The following PRKCB variants were observed in gnomAD, a reference collection of about 807,000 sequenced individuals.
PRKCB encodes the protein protein kinase C beta, also known as protein kinase C beta type.
PRKCB carries 13 observed loss-of-function variants against 81.5 expected under a neutral mutation model. The observed-to-expected ratio is 0.16, with a 90% CI of 0.10 to 0.25. The LOEUF (loss-of-function observed/expected upper bound fraction) is 0.25. PRKCB is among the 10% of genes least tolerant of loss of function. The pLI is 1.00. For synonymous variants in PRKCB, 335 were observed against 321.4 expected, an observed-to-expected ratio of 1.04 and a Z score of -0.45; for missense variants, 509 against 875.7, an observed-to-expected ratio of 0.58 and a Z score of 5.29.
intron 2 of PRKCB, among the ~76,000 whole-genome samples, chr16:23,890,299 G>A (rs888221643): frequency 2.6e-5 from 4 of 152,220 alleles, no homozygotes; most frequent in Non-Finnish European, 5.9e-5. Flanking sequence ...TTAGTCAATT[G>A]TAAGAAGCTG....
intron 5 of PRKCB, among the ~76,000 whole-genome samples, chr16:24,047,131 G>A (rs185420198): frequency 3.3e-5 from 5 of 152,038 alleles, no homozygotes; most frequent in Admixed American, 1.3e-4. Flanking sequence ...AAGGTCAGGC[G>A]TTCGAGACCA....
intron 3 of PRKCB, among the ~76,000 whole-genome samples, chr16:24,010,068 A>ATG (rs146414083): frequency 2.0e-5 from 3 of 151,476 alleles, no homozygotes; most frequent in South Asian, 2.1e-4. Flanking sequence ...TTTCTTTCAT[A>ATG]TGTGTGTGTG....
At chr16:24,000,941 C>A (rs957976930) in intron 3 of PRKCB, among the ~76,000 whole-genome samples, 2 of 152,020 alleles carry the variant, frequency 1.3e-5, no homozygotes, top group East Asian at 3.9e-4. Context: ...GTTCTGTGAC[C>A]CTCAGTTTAT....
At chr16:23,908,049 G>C (rs1013186773) in intron 2 of PRKCB, among the ~76,000 whole-genome samples, 6 of 152,194 alleles carry the variant, frequency 3.9e-5, no homozygotes, top group Non-Finnish European at 8.8e-5. Flanking sequence ...AGCAGGTGGG[G>C]AGAGAAAGTC....
intron 9 of PRKCB, among the ~76,000 whole-genome samples, chr16:24,130,920 C>T (rs1179817983): frequency 6.6e-6 from 1 of 152,214 alleles, no homozygotes; most frequent in Non-Finnish European, 1.5e-5. Flanking sequence ...CCCTACTTTT[C>T]AGTCCTGGCT....
chr16:24,187,699 AT>A (rs1567406414), intron 15 of PRKCB, among the ~76,000 whole-genome samples: 2,535 of 82,382 alleles, frequency 0.031, 63 homozygotes, highest in African/African-American at 0.11. Context: ...GTTTTGTTTT[AT>A]CAATGTCTCG....
rs71154259 is a variant in PRKCB, at chr16:23,915,689, C to CAAAAAAAAAA, written c.206-72805_206-72796dup. Among the ~76,000 whole-genome samples the CAAAAAAAAAA allele has an allele frequency of 2.0e-3, 107 of 54,510 alleles. 6 individuals are homozygous for CAAAAAAAAAA. The highest frequency in any genetic ancestry group is 5.1e-3 in the South Asian group (4 of 780). The allele number at this position is 54,510 out of a possible 152,430, so 35.8% of individuals were successfully genotyped here. On this transcript the variant is annotated intron_variant, in intron 2 of 16. Transcript: ENST00000643927. Reference sequence around the variant, plus strand: ...CCTGGGCAAGAGTGAGACTCTCTATCAAAAAAAAAAAAAAAAAAAAAAAGC... The same window carrying CAAAAAAAAAA: ...CCTGGGCAAGAGTGAGACTCTCTATCAAAAAAAAAAAAAAAAAAAAAAAAAAAAAAAAAGC...
rs569413954 is a variant in PRKCB at position 24,007,700 on chromosome 16, C to T, written c.288+19110C>T. Among the ~76,000 whole-genome samples, 43 of 152,324 alleles carry T rather than the reference C, an allele frequency of 2.8e-4. 2 individuals carry two copies. In the East Asian group the frequency reaches 5.4e-3, roughly 19 times the overall value. On this transcript the variant is annotated intron_variant, in intron 3 of 16. Transcript: ENST00000643927. ...TGCTGGGACTTGAATGAAGCTGATG[C>T]GTCCCATCTATAAATTATTGTGGCT...
intron 2 of PRKCB, among the ~76,000 whole-genome samples, chr16:23,946,606 GAGAAAT>G (rs1174034913): frequency 0.018 from 2,675 of 152,300 alleles, 81 homozygotes; most frequent in African/African-American, 0.059. Flanking sequence ...AATAGATCCA[GAGAAAT>G]GCTGATTCTT....
At chr16:24,093,917 A>G (rs1966407509) in intron 6 of PRKCB, among the ~76,000 whole-genome samples, 1 of 152,242 alleles carries the variant, frequency 6.6e-6, no homozygotes, top group African/African-American at 2.4e-5. Context: ...ATAAGATAAC[A>G]AAAGTAGTTA....
Position 24,220,334 on chromosome 16 carries a change from A to AT in PRKCB, c.*5522dup. 2.2e-6 allele frequency: 1 copy of AT among 452,878 alleles called. No individual in the cohort carries two copies. Among genetic ancestry groups the AT allele is most frequent in the African/African-American group, 2.0e-5 (1 of 49,836 alleles). The allele number at this position is 452,878 out of a possible 1,614,324, so 28.1% of individuals were successfully genotyped here. Reference sequence around the variant, plus strand: ...CGCATTATCCAATTATAGAGGTACAATTTTCCAAACTTCCAGAAACTCATC... The same window carrying AT: ...CGCATTATCCAATTATAGAGGTACAATTTTTCCAAACTTCCAGAAACTCATC... On this transcript the variant is annotated 3_prime_UTR_variant, in exon 17 of 17. Coordinates refer to ENST00000643927, the MANE Select transcript of PRKCB (RefSeq NM_002738.7).
chr16:24,210,119 A>G (rs2141992767), intron 16 of PRKCB, among the ~76,000 whole-genome samples: 1 of 152,272 alleles, frequency 6.6e-6, no homozygotes, highest in East Asian at 1.9e-4. Flanking sequence ...TGTCTCTAAA[A>G]CAATGAAATA....
rs1555488847 is a variant in PRKCB at position 23,987,401 on chromosome 16, T to TTG, written c.206-1107_206-1106insTG. Among the ~76,000 whole-genome samples, 398 of 127,086 alleles carry TTG rather than the reference T, an allele frequency of 3.1e-3. 1 individual carries two copies. Among genetic ancestry groups the TTG allele is most frequent in the African/African-American group, 0.011 (382 of 34,454 alleles). 83.4% of individuals were successfully genotyped at this position (127,086 alleles called of 152,430 possible). On this transcript the variant is annotated intron_variant, in intron 2 of 16. Coordinates refer to ENST00000643927, the MANE Select transcript of PRKCB (RefSeq NM_002738.7). ...CTACATTCTGGGTATTTGGTTGGGG[T>TTG]GGGGGGGGGTGTGTTTGCTGATCGC...
intron 7 of PRKCB, among the ~76,000 whole-genome samples, chr16:24,107,717 G>C (rs80278303): frequency 6.6e-6 from 1 of 152,176 alleles, no homozygotes; most frequent in African/African-American, 2.4e-5. Context: ...GCCCCTGCCC[G>C]CTGCGCCAGG....
chr16:24,025,935 T>A (rs1965473497), intron 3 of PRKCB, among the ~76,000 whole-genome samples: 1 of 152,198 alleles, frequency 6.6e-6, no homozygotes, highest in African/African-American at 2.4e-5. Context: ...TGATACCTTC[T>A]GCATGGCATG....
At chr16:23,897,960 G>A (rs181619787) in intron 2 of PRKCB, among the ~76,000 whole-genome samples, 11 of 151,938 alleles carry the variant, frequency 7.2e-5, no homozygotes, top group African/African-American at 1.4e-4. Context: ...GTGCAATGGC[G>A]TGATCTCGGC....
intron 15 of PRKCB, among the ~76,000 whole-genome samples, chr16:24,190,492 G>GT (rs11315093): frequency 0.018 from 2,228 of 123,176 alleles, 47 homozygotes; most frequent in African/African-American, 0.052. Context: ...TTTTCTTTCT[G>GT]TTTTTTTTTT....
intron 3 of PRKCB, among the ~76,000 whole-genome samples, chr16:23,992,438 A>G (rs1964899036): frequency 6.6e-6 from 1 of 152,212 alleles, no homozygotes; most frequent in Non-Finnish European, 1.5e-5. Context: ...ATAGAGATAC[A>G]CAAATCATCT....
At chr16:23,976,413 A>G (rs1596494430) in intron 2 of PRKCB, among the ~76,000 whole-genome samples, 1 of 152,232 alleles carries the variant, frequency 6.6e-6, no homozygotes, top group African/African-American at 2.4e-5. Context: ...TTCCAGCAAA[A>G]GTCCTGAAGC....
Sources: allele counts gnomAD v4.1 joint callset (sites outside exome capture counted in the v4.1 genomes callset), GRCh38; gene constraint gnomAD v4.1.1; transcripts MANE v1.5; gene names NCBI Gene and HGNC (gene_info 2026-07-23, HGNC 2026-07-21).